CSMD1: variants seen among roughly 807,000 people sequenced by gnomAD.
The protein encoded by CSMD1 is CUB and sushi domain-containing protein 1.
Under a neutral mutation model 417.5 loss-of-function variants are expected in CSMD1, and 213 were observed. The ratio of observed to expected loss-of-function variants is 0.51; its 90% CI spans 0.46 to 0.57. The LOEUF (loss-of-function observed/expected upper bound fraction) is 0.57, where lower values mean the gene tolerates loss of function less well. Ranked by LOEUF, CSMD1 falls within the 20% of genes least tolerant of loss-of-function variation. The probability of loss-of-function intolerance (pLI) is 0.00; values close to 1 mark genes in which losing one functional copy is unlikely to be tolerated. For synonymous variants in CSMD1, 2,862 were observed against 1,736.8 expected (o/e 1.65, Z -16.11); for missense variants, 6,923 against 4,529.7 (o/e 1.53, Z -15.17).
intron 3 of CSMD1, among the ~76,000 whole-genome samples, chr8:4,326,270 A>T (rs532235870): frequency 1.3e-5 from 2 of 152,202 alleles, no homozygotes; most frequent in Non-Finnish European, 2.9e-5. Context: ...TCATCTTCAC[A>T]TACGGTGGGA....
intron 2 of CSMD1, among the ~76,000 whole-genome samples, chr8:4,483,683 A>G (rs1373574781): frequency 6.6e-6 from 1 of 152,220 alleles, no homozygotes; most frequent in Non-Finnish European, 1.5e-5. Context: ...TTTTGTAAGA[A>G]AAGCACTGAT....
chr8:4,561,153 T>A (rs951209317), intron 2 of CSMD1, among the ~76,000 whole-genome samples: 2 of 152,134 alleles, frequency 1.3e-5, no homozygotes, highest in African/African-American at 2.4e-5. Context: ...AGGTGGATCA[T>A]GAGGTCAGGA....
chr8:3,076,181 G>C (rs1373088119), intron 49 of CSMD1, among the ~76,000 whole-genome samples: 1 of 152,190 alleles, frequency 6.6e-6, no homozygotes, highest in African/African-American at 2.4e-5. Context: ...CAGTCCTGGA[G>C]GCCGGAAGTC....
chr8:4,255,059 A>C (rs950217333), intron 3 of CSMD1, among the ~76,000 whole-genome samples: 1 of 152,304 alleles, frequency 6.6e-6, no homozygotes, highest in Admixed American at 6.5e-5. Flanking sequence ...AGCAATTCTC[A>C]GCCTTTTTTA....
At chr8:4,759,027 G>A (rs1490315595) in intron 1 of CSMD1, among the ~76,000 whole-genome samples, 2 of 152,210 alleles carry the variant, frequency 1.3e-5, no homozygotes, top group African/African-American at 2.4e-5. Flanking sequence ...CCAGGAAACA[G>A]ATGCGGAGAT....
At position 4,451,135 on chromosome 8, in the gene CSMD1, C is replaced by T. The variant is rs574382040; in HGVS notation, c.303-31070G>A. ...CTGAGTTCAAGAGATCCAGACTAGC[C>T]TGGGCAACACAGTAAGACCCTGTCT... On this transcript the variant is annotated intron_variant, in intron 2 of 69. Coordinates refer to ENST00000635120, the MANE Select transcript of CSMD1 (RefSeq NM_033225.6). Among the ~76,000 whole-genome samples, 84 of 152,110 alleles carry T rather than the reference C, an allele frequency of 5.5e-4. 3 individuals carry two copies. The South Asian group carries it at 0.013, about 23-fold the overall frequency.
intron 3 of CSMD1, among the ~76,000 whole-genome samples, chr8:4,229,249 G>C (rs758778973): frequency 1.8e-4 from 27 of 152,150 alleles, no homozygotes; most frequent in Admixed American, 5.9e-4. Flanking sequence ...CTACTCAAAA[G>C]ACGCTGAGAT....
At chr8:4,562,741 C>A (rs1043394884) in intron 2 of CSMD1, among the ~76,000 whole-genome samples, 2 of 152,092 alleles carry the variant, frequency 1.3e-5, no homozygotes, top group Non-Finnish European at 2.9e-5. Flanking sequence ...CAGACAGATG[C>A]ATGCTGGTGG....
chr8:4,090,618 G>A lies in CSMD1; in HGVS notation c.416-58519C>T, dbSNP rs575260184. 9.9e-5 allele frequency among the ~76,000 whole-genome samples: 15 copies of A among 152,278 alleles called. No homozygotes were observed. In the South Asian group the frequency reaches 1.0e-3, roughly 11 times the overall value. On this transcript the variant is annotated intron_variant, in intron 3 of 69. Coordinates refer to ENST00000635120, the MANE Select transcript of CSMD1 (RefSeq NM_033225.6). ...TTCAAGTGTGATACACGAATTCTCAGAATTGTAAAAGAACGTCCCTGAACT... is the reference window on the plus strand; with the variant it reads ...TTCAAGTGTGATACACGAATTCTCAAAATTGTAAAAGAACGTCCCTGAACT...
chr8:4,469,978 C>CT (rs1282602712), intron 2 of CSMD1, among the ~76,000 whole-genome samples: 1 of 151,882 alleles, frequency 6.6e-6, no homozygotes, highest in Non-Finnish European at 1.5e-5. Flanking sequence ...CACCATCATC[C>CT]TGCCTCAGCC....
intron 1 of CSMD1, among the ~76,000 whole-genome samples, chr8:4,924,072 T>C (rs567310591): frequency 1.7e-4 from 26 of 152,298 alleles, no homozygotes; most frequent in African/African-American, 5.8e-4. Flanking sequence ...AGAAAAGTGA[T>C]GAACAAGACA....
intron 10 of CSMD1, among the ~76,000 whole-genome samples, chr8:3,539,978 C>T (rs1231015646): frequency 1.3e-5 from 2 of 152,136 alleles, no homozygotes; most frequent in African/African-American, 4.8e-5. Context: ...AAACAGTCTT[C>T]TAAAGCCTGC....
At chr8:3,114,932 T>A (rs1263372373) in intron 42 of CSMD1, among the ~76,000 whole-genome samples, 2 of 152,154 alleles carry the variant, frequency 1.3e-5, no homozygotes, top group African/African-American at 4.8e-5. Context: ...ACACTAATAA[T>A]TATCTCTGTC....
intron 11 of CSMD1, among the ~76,000 whole-genome samples, chr8:3,491,327 A>C (rs1034133818): frequency 1.4e-4 from 22 of 152,214 alleles, no homozygotes; most frequent in African/African-American, 5.3e-4. Context: ...CTTCAGCTTC[A>C]TCAATGATAA....
At chr8:4,532,288 G>A (rs1039702894) in intron 2 of CSMD1, among the ~76,000 whole-genome samples, 1 of 127,650 alleles carries the variant, frequency 7.8e-6, no homozygotes, top group East Asian at 2.5e-4. Context: ...AATCCTGCAA[G>A]CCCATTCACA....
At position 3,036,984 on chromosome 8, in the gene CSMD1, T is replaced by C. The variant is rs549143325; in HGVS notation, c.7661-7471A>G. On this transcript the variant is annotated intron_variant, in intron 50 of 69. Transcript: ENST00000635120. ...CCCTCACCCATCTTCCTATCTATCA[T>C]CCCCTTGAGTCCCCAGAGTCCACTG... is the stretch of plus-strand genomic sequence containing the variant. Among the ~76,000 whole-genome samples, 3 of 152,236 alleles carry C rather than the reference T, an allele frequency of 2.0e-5. No homozygotes were observed. In the South Asian group the frequency reaches 6.2e-4, roughly 32 times the overall value.
At chr8:3,984,765 G>C (rs143346156) in intron 5 of CSMD1, among the ~76,000 whole-genome samples, 3,165 of 137,000 alleles carry the variant, frequency 0.023, 60 homozygotes, top group South Asian at 0.037. Flanking sequence ...GTATGTATTT[G>C]TGCGTGTGTG....
chr8:4,227,406 T>A (rs1361445523), intron 3 of CSMD1, among the ~76,000 whole-genome samples: 1 of 152,150 alleles, frequency 6.6e-6, no homozygotes, highest in Non-Finnish European at 1.5e-5. Flanking sequence ...AGAACCCTGT[T>A]GTCTTCCATT....
chr8:3,397,336 C>G (rs1202920057), intron 16 of CSMD1, among the ~76,000 whole-genome samples: 2 of 152,134 alleles, frequency 1.3e-5, no homozygotes, highest in Non-Finnish European at 2.9e-5. Context: ...AGAGGGGAAG[C>G]AATCTTAGCC....
Sources: gnomAD v4.1 joint callset for allele counts (sites outside exome capture counted in the v4.1 genomes callset) on GRCh38, gnomAD v4.1.1 for gene constraint, MANE v1.5 for transcripts, NCBI Gene and HGNC (gene_info 2026-07-23, HGNC 2026-07-21) for gene names.